Variants in COL19A1 observed in about 807,000 individuals in gnomAD.
COL19A1 encodes the protein collagen alpha-1(XIX) chain.
In COL19A1, 159 loss-of-function variants were observed where a neutral mutation model predicts 190.2. That is an observed-to-expected ratio of 0.84 (90% CI 0.73 to 0.95). The LOEUF is 0.95. Among genes scored for constraint, COL19A1 ranks in the 40% least tolerant of loss-of-function variants. The probability of loss-of-function intolerance (pLI) is 0.00; values close to 1 mark genes in which losing one functional copy is unlikely to be tolerated. For missense variants in COL19A1, 1,418 were observed against 1,431.9 expected, an observed-to-expected ratio of 0.99 and a Z score of 0.16; for synonymous variants, 509 against 458.9, an observed-to-expected ratio of 1.11 and a Z score of -1.39.
chr6:70,141,400 CTTA>C, intron 20 of COL19A1, among the ~76,000 whole-genome samples: 1 of 152,078 alleles, frequency 6.6e-6, no homozygotes, highest in South Asian at 2.1e-4. Context: ...AAAAAGCAAA[CTTA>C]TTATAGCCAG....
At chr6:69,951,464 C>T (rs1774119829) in intron 9 of COL19A1, among the ~76,000 whole-genome samples, 1 of 151,838 alleles carries the variant, frequency 6.6e-6, no homozygotes, top group South Asian at 2.1e-4. Flanking sequence ...GGAATGTATA[C>T]ACTTCATCTT....
Position 70,141,941 on chromosome 6 carries a change from C to T in COL19A1, c.1518+13C>T. On this transcript the variant is annotated intron_variant, in intron 21 of 50. Transcript: ENST00000620364. Reference sequence around the variant, plus strand: ...ACAGGGAGTAAAGGTAATTTCCTGGCATTCTTCAATTTCCTCTCCAACCTT... The same window carrying T: ...ACAGGGAGTAAAGGTAATTTCCTGGTATTCTTCAATTTCCTCTCCAACCTT... 3.1e-6 allele frequency: 5 copies of T among 1,607,094 alleles called. No homozygotes were observed. Among genetic ancestry groups the T allele is most frequent in the Non-Finnish European group, 4.3e-6 (5 of 1,174,016 alleles).
chr6:69,968,698 T>C (rs770920668), intron 11 of COL19A1, among the ~76,000 whole-genome samples: 8 of 152,192 alleles, frequency 5.3e-5, no homozygotes, highest in Non-Finnish European at 1.2e-4. Context: ...CATTCAGTTG[T>C]TATGGTAATT....
intron 14 of COL19A1, among the ~76,000 whole-genome samples, chr6:70,066,342 C>G (rs947461500): frequency 6.6e-6 from 1 of 151,862 alleles, no homozygotes; most frequent in African/African-American, 2.4e-5. Context: ...AGCAAACTAT[C>G]ACAAGGACAA....
intron 34 of COL19A1, among the ~76,000 whole-genome samples, chr6:70,159,902 A>G (rs1024321752): frequency 6.6e-6 from 1 of 152,184 alleles, no homozygotes; most frequent in Non-Finnish European, 1.5e-5. Flanking sequence ...TTCAGTCTAG[A>G]ACTTGATGTA....
At chr6:70,095,992 A>G (rs1783231943) in intron 15 of COL19A1, among the ~76,000 whole-genome samples, 1 of 152,166 alleles carries the variant, frequency 6.6e-6, no homozygotes, top group African/African-American at 2.4e-5. Context: ...TACTGCTATG[A>G]ACATGGGTAT....
intron 48 of COL19A1, among the ~76,000 whole-genome samples, chr6:70,191,068 T>A (rs543673572): frequency 6.6e-6 from 1 of 152,250 alleles, no homozygotes; most frequent in Non-Finnish European, 1.5e-5. Context: ...GCAACAGGAC[T>A]GAGCAATTGT....
chr6:69,926,372 G>A (rs1282781801), intron 4 of COL19A1, among the ~76,000 whole-genome samples: 2 of 152,016 alleles, frequency 1.3e-5, no homozygotes, highest in Non-Finnish European at 2.9e-5. Context: ...ATATACTTAA[G>A]TAACTAAAGG....
intron 9 of COL19A1, among the ~76,000 whole-genome samples, chr6:69,956,957 A>G: frequency 6.6e-6 from 1 of 152,072 alleles, no homozygotes; most frequent in East Asian, 1.9e-4. Context: ...ACTGTTAAAA[A>G]AAATCACCAC....
At chr6:69,882,410 T>C (rs938903554) in intron 2 of COL19A1, among the ~76,000 whole-genome samples, 3 of 152,166 alleles carry the variant, frequency 2.0e-5, no homozygotes, top group African/African-American at 7.2e-5. Flanking sequence ...CAAAAGAAGG[T>C]GGGGAAGAGA....
At chr6:69,963,070 G>T (rs968050704) in intron 11 of COL19A1, among the ~76,000 whole-genome samples, 200 bp downstream of exon 11, 1 of 152,020 alleles carries the variant, frequency 6.6e-6, no homozygotes, top group Non-Finnish European at 1.5e-5. Context: ...TATTTGGATG[G>T]TATTAATAGT....
At chr6:70,049,031 T>C (rs996367872) in intron 14 of COL19A1, among the ~76,000 whole-genome samples, 1 of 151,910 alleles carries the variant, frequency 6.6e-6, no homozygotes, top group Admixed American at 6.6e-5. Flanking sequence ...TAAATATTTA[T>C]ATGTACATAT....
At chr6:69,869,618 G>T (rs1389864494) in intron 1 of COL19A1, among the ~76,000 whole-genome samples, 5 of 152,154 alleles carry the variant, frequency 3.3e-5, no homozygotes, top group African/African-American at 1.2e-4. Flanking sequence ...AATTTAAGAT[G>T]ATATTGGATC....
chr6:70,095,521 T>C (rs1783197188), intron 15 of COL19A1, among the ~76,000 whole-genome samples: 2 of 152,216 alleles, frequency 1.3e-5, no homozygotes, highest in Non-Finnish European at 2.9e-5. Context: ...AGTTGTTTTC[T>C]TTTGAATTGT....
chr6:69,995,829 T>G (rs999510116), intron 11 of COL19A1, among the ~76,000 whole-genome samples: 9 of 152,174 alleles, frequency 5.9e-5, no homozygotes, highest in Non-Finnish European at 1.5e-5. Flanking sequence ...GCTGATTTTA[T>G]AGAGTTATTT....
intron 16 of COL19A1, among the ~76,000 whole-genome samples, chr6:70,113,812 C>A (rs1306792626): frequency 6.7e-6 from 1 of 148,748 alleles, no homozygotes; most frequent in East Asian, 2.0e-4. Context: ...GGTCACTTTC[C>A]TCTTGACTCT....
intron 9 of COL19A1, among the ~76,000 whole-genome samples, chr6:69,958,896 T>G (rs1456299631): frequency 6.6e-6 from 1 of 152,198 alleles, no homozygotes; most frequent in Non-Finnish European, 1.5e-5. Context: ...TGAATTTTGC[T>G]TAAATAATTC....
intron 36 of COL19A1, 71 bp downstream of exon 36, chr6:70,163,467 G>C (rs1787945336): frequency 7.2e-7 from 1 of 1,392,622 alleles, no homozygotes; most frequent in Admixed American, 2.0e-5. Flanking sequence ...ACTCTTCACA[G>C]AGAGAGCCAT....
intron 11 of COL19A1, among the ~76,000 whole-genome samples, chr6:70,020,084 A>T (rs1334586799): frequency 1.3e-5 from 2 of 152,106 alleles, no homozygotes; most frequent in Non-Finnish European, 2.9e-5. Context: ...TAGTCTGATT[A>T]TTTAATACTA....
Sources: gnomAD v4.1 joint callset for allele counts (sites outside exome capture counted in the v4.1 genomes callset) on GRCh38, gnomAD v4.1.1 for gene constraint, MANE v1.5 for transcripts, NCBI Gene and HGNC (gene_info 2026-07-23, HGNC 2026-07-21) for gene names.